The following CNTN2 variants were observed in gnomAD, a reference collection of about 807,000 sequenced individuals.
CNTN2 encodes contactin 2.
A neutral mutation model predicts 117.5 loss-of-function variants in CNTN2; 53 were observed. That is an observed-to-expected ratio of 0.45 (90% CI 0.36 to 0.57). CNTN2 has a LOEUF of 0.57. Ranked by LOEUF, CNTN2 falls within the 20% of genes least tolerant of loss-of-function variation. The probability of loss-of-function intolerance (pLI) is 0.00; values close to 1 mark genes in which losing one functional copy is unlikely to be tolerated. For synonymous variants in CNTN2, 530 were observed against 561.7 expected (o/e 0.94, Z 0.80); for missense variants, 1,106 against 1,404.3 (o/e 0.79, Z 3.39).
In CNTN2 at chr1:205,072,080, G is replaced by A. The variant is rs751913913; in HGVS notation, c.2678G>A (p.Arg893Gln). 2.4e-5 allele frequency: 39 copies of A among 1,613,816 alleles called. No individual in the cohort carries two copies. Among genetic ancestry groups the A allele is most frequent in the Non-Finnish European group, 2.3e-5 (27 of 1,180,022 alleles). ...KYHVTVRAYN[R>Q]AGTGPASPSA... is the part of the protein sequence containing the mutation. ...CATGTGACCGTGAGGGCCTACAACC[G>A]GGCTGGCACTGGGCCTGCCAGCCCT... The change falls in exon 20 of 23, where the codon CGG becomes CAG. Residue 893 changes from arginine (R) to glutamine (Q), a missense_variant. Arg to Gln is a conservative substitution (Grantham distance 43, BLOSUM62 1). Transcript: ENST00000331830.
chr1:205,065,666 C>A lies in CNTN2; in HGVS notation c.1696-123C>A. 1 of 1,163,444 alleles carries A rather than the reference C, an allele frequency of 8.6e-7. No homozygotes were observed. Among genetic ancestry groups the A allele is most frequent in the Non-Finnish European group, 1.2e-6 (1 of 826,184 alleles). The allele number at this position is 1,163,444 out of a possible 1,614,324, so 72.1% of individuals were successfully genotyped here. A position where few individuals can be genotyped will look rare whatever the true frequency, so the allele number is the denominator to read the frequency against. ...ATTGAGCAGACAGGAAAACTGAGAT[C>A]CAGTGGGGTCCATGGATGTCATGGA... On this transcript the variant is annotated intron_variant, in intron 13 of 22. Coordinates refer to ENST00000331830, the MANE Select transcript of CNTN2 (RefSeq NM_005076.5). This position sits in a 1 kb window ranked among gnomAD's most constrained non-coding sequence, Gnocchi z 4.1.
intron 20 of CNTN2, 22 bp downstream of exon 20, chr1:205,072,155 G>C (rs1303417259): frequency 6.3e-7 from 1 of 1,591,828 alleles, no homozygotes; most frequent in Non-Finnish European, 8.5e-7. Context: ...TGCCTGGGGT[G>C]GGGGTAGGGC....
chr1:205,062,597 T>C, intron 10 of CNTN2, 28 bp downstream of exon 10: 1 of 1,601,652 alleles, frequency 6.2e-7, no homozygotes, highest in African/African-American at 1.3e-5. Context: ...GCAGGGGACA[T>C]CCCAAGGACA....
chr1:205,045,041 C>T (rs750937360), intron 1 of CNTN2, among the ~76,000 whole-genome samples: 1 of 152,180 alleles, frequency 6.6e-6, no homozygotes, highest in African/African-American at 2.4e-5. Flanking sequence ...CAGGAAAGGG[C>T]CCCTGACCTG....
intron 20 of CNTN2, 45 bp downstream of exon 20, chr1:205,072,178 G>A (rs768963821): frequency 2.6e-5 from 40 of 1,538,588 alleles, no homozygotes; most frequent in Non-Finnish European, 3.5e-5. Context: ...TATTTTGGAG[G>A]GTGGGTGCCT....
At chr1:205,069,180 CGTCTT>C (rs1654453720) in intron 16 of CNTN2, 2 of 353,718 alleles carry the variant, frequency 5.7e-6, no homozygotes, top group South Asian at 9.2e-5. Flanking sequence ...TACTAACCAC[CGTCTT>C]GTCTAATTTC....
Position 205,058,322 on chromosome 1 carries a change from C to T in CNTN2, c.357C>T (p.Thr119=), listed in dbSNP as rs746469764. 9 of 1,525,994 alleles carry T rather than the reference C, an allele frequency of 5.9e-6. No homozygotes were observed. The highest frequency in any genetic ancestry group is 1.4e-5 in the African/African-American group (1 of 72,296). 94.5% of individuals were successfully genotyped at this position (1,525,994 alleles called of 1,614,324 possible). A position where few individuals can be genotyped will look rare whatever the true frequency, so the allele number is the denominator to read the frequency against. ...YQCLASNPVG[T]VVSREAILRF... ...GCCTGGCCTCCAACCCAGTGGGCAC[C>T]GTTGTCAGCAGGGAGGCCATCCTCC... The change falls in exon 4 of 23, where the codon ACC becomes ACT. Residue 119 remains threonine (T), a synonymous_variant. Coordinates refer to ENST00000331830, the MANE Select transcript of CNTN2 (RefSeq NM_005076.5). This position sits in a 1 kb window ranked among gnomAD's most constrained non-coding sequence, Gnocchi z 4.3.
At chr1:205,056,620 A>G (rs1054351085) in intron 2 of CNTN2, among the ~76,000 whole-genome samples, 1 of 152,204 alleles carries the variant, frequency 6.6e-6, no homozygotes, top group African/African-American at 2.4e-5. Flanking sequence ...CTAATTAGTT[A>G]ATGGGGATCC....
In CNTN2 at chr1:205,065,298, T is replaced by C; in HGVS notation, c.1695+36T>C. The stretch of plus-strand genomic sequence containing the variant: ...GGGCCAGAGCCCCATGGCTTCTCCC[T>C]CCTTCTAGAGAGACAGGGGCCCCAA... On this transcript the variant is annotated intron_variant, in intron 13 of 22. Coordinates refer to ENST00000331830, the MANE Select transcript of CNTN2 (RefSeq NM_005076.5). This position sits in a 1 kb window ranked among gnomAD's most constrained non-coding sequence, Gnocchi z 4.1. 1 of 1,611,092 alleles carries C rather than the reference T, an allele frequency of 6.2e-7. No homozygotes were observed. The highest frequency in any genetic ancestry group is 8.5e-7 in the Non-Finnish European group (1 of 1,178,000).
Position 205,058,628 on chromosome 1 carries a change from T to A in CNTN2, c.452T>A (p.Val151Glu), listed in dbSNP as rs776790948. 7 of 1,613,134 alleles carry A rather than the reference T, an allele frequency of 4.3e-6. No homozygotes were observed. Residue 151 changes from valine (V) to glutamate (E), a missense_variant, in exon 5 of 23, where the codon GTG (valine) becomes GAG (glutamate). Transcript: ENST00000331830. The surrounding 1 kb of genome is among the most constrained non-coding windows in gnomAD (Gnocchi z 4.3). ...DPVKAHEGWG[V>E]MLPCNPPAHY... ...GTGAAAGCTCATGAAGGCTGGGGGG[T>A]GATGTTGCCCTGTAACCCACCTGCC...
At chr1:205,066,418 T>C in intron 14 of CNTN2, 23 bp from the exon 15 acceptor site, 2 of 1,611,054 alleles carry the variant, frequency 1.2e-6, no homozygotes, top group Non-Finnish European at 1.7e-6. Context: ...TCTGACCCAC[T>C]GTGCTCTGAC....
In CNTN2 at chr1:205,073,450, G is replaced by A; in HGVS notation, c.3014-206G>A. On this transcript the variant is annotated intron_variant, in intron 22 of 22. Transcript: ENST00000331830. The surrounding 1 kb of genome is among the most constrained non-coding windows in gnomAD (Gnocchi z 6.3). ...TCCCCGAGGGCCAGGGAAGGGCGCA[G>A]GGTGCAGGGGGAGGCTGAGGACCAA... 1.3e-6 allele frequency: 1 copy of A among 741,354 alleles called. No individual in the cohort carries two copies. Among genetic ancestry groups the A allele is most frequent in the Non-Finnish European group, 2.2e-6 (1 of 461,562 alleles). 45.9% of individuals were successfully genotyped at this position (741,354 alleles called of 1,614,324 possible).
chr1:205,064,965 G>T, intron 12 of CNTN2, 122 bp from the exon 13 acceptor site: 1 of 1,267,400 alleles, frequency 7.9e-7, no homozygotes, highest in Non-Finnish European at 1.1e-6. Flanking sequence ...GTTGGGACCT[G>T]TGGGTCACAC....
chr1:205,043,585 T>G (rs574696157), intron 1 of CNTN2, among the ~76,000 whole-genome samples, 191 bp downstream of exon 1: 258 of 152,182 alleles, frequency 1.7e-3, no homozygotes, highest in African/African-American at 5.3e-3. Context: ...GGGGCTCCCC[T>G]CCGCCCTGTC....
intron 1 of CNTN2, among the ~76,000 whole-genome samples, chr1:205,046,341 C>T (rs1183311925): frequency 2.0e-5 from 3 of 152,208 alleles, no homozygotes; most frequent in Admixed American, 6.5e-5. Flanking sequence ...CAGTTCACTA[C>T]GTAGGTGGGG....
At chr1:205,070,885 A>G in intron 19 of CNTN2, 1 of 163,656 alleles carries the variant, frequency 6.1e-6, no homozygotes, top group Non-Finnish European at 1.3e-5. Flanking sequence ...AATCCCAGCT[A>G]CTCAGGAGGC....
At chr1:205,052,021 G>A (rs1294993724) in intron 1 of CNTN2, among the ~76,000 whole-genome samples, 1 of 152,176 alleles carries the variant, frequency 6.6e-6, no homozygotes, top group Non-Finnish European at 1.5e-5. Flanking sequence ...AGATGGGACG[G>A]GTCTTGCAGG....
At position 205,058,200 on chromosome 1, in the gene CNTN2, G is replaced by T; in HGVS notation, c.235G>T (p.Glu79Ter). 1 of 1,584,810 alleles carries T rather than the reference G, an allele frequency of 6.3e-7. No individual in the cohort carries two copies. Reference protein sequence around the residue: ...ATYRWKMNGTEMKLEPGSRHQ... With the variant: ...ATYRWKMNGT ...CTGCAGGTGGAAGATGAATGGTACC[G>T]AGATGAAGCTGGAGCCAGGTTCCCG... Residue 79 changes from glutamate (E) to a stop codon, truncating the protein, a stop_gained, in exon 4 of 23, where the codon GAG (glutamate) becomes TAG (stop). Coordinates refer to ENST00000331830, the MANE Select transcript of CNTN2 (RefSeq NM_005076.5). LOFTEE classifies it high-confidence loss of function. This position sits in a 1 kb window ranked among gnomAD's most constrained non-coding sequence, Gnocchi z 4.3.
At position 205,072,765 on chromosome 1, in the gene CNTN2, A is replaced by G. The variant is rs960714423; in HGVS notation, c.2844+170A>G. On this transcript the variant is annotated intron_variant, in intron 21 of 22. Transcript: ENST00000331830. Reference sequence around the variant, plus strand: ...ATGAACTATTCTCTCAGTAACTTGCAGTAGAAACTATAAAAACGGGCAGAT... The same window carrying G: ...ATGAACTATTCTCTCAGTAACTTGCGGTAGAAACTATAAAAACGGGCAGAT... The G allele has an allele frequency of 2.9e-5, 20 of 681,312 alleles. No homozygotes were observed. The South Asian group carries it at 3.3e-4, about 11-fold the overall frequency. 42.2% of individuals were successfully genotyped at this position (681,312 alleles called of 1,614,324 possible). A position where few individuals can be genotyped will look rare whatever the true frequency, so the allele number is the denominator to read the frequency against.
Sources: gnomAD v4.1 joint callset for allele counts (sites outside exome capture counted in the v4.1 genomes callset) on GRCh38, gnomAD v4.1.1 for gene constraint, Gnocchi (gnomAD v3.1) non-coding constraint, MANE v1.5 for transcripts, NCBI Gene and HGNC (gene_info 2026-07-23, HGNC 2026-07-21) for gene names.